The following MIA2 variants were observed in gnomAD, a reference collection of about 807,000 sequenced individuals.
MIA2 encodes the protein MIA SH3 domain ER export factor 2.
MIA2 carries 127 observed loss-of-function variants against 167.8 expected under a neutral mutation model. That is an observed-to-expected ratio of 0.76 (90% CI 0.66 to 0.88). MIA2 has a LOEUF of 0.88. Ranked by LOEUF, MIA2 falls within the 40% of genes least tolerant of loss-of-function variation. The probability of loss-of-function intolerance (pLI) is 0.00; values close to 1 mark genes in which losing one functional copy is unlikely to be tolerated. For missense variants in MIA2, 1,690 were observed against 1,624.7 expected, an observed-to-expected ratio of 1.04 and a Z score of -0.69; for synonymous variants, 552 against 541.9, an observed-to-expected ratio of 1.02 and a Z score of -0.26.
intron 25 of MIA2, among the ~76,000 whole-genome samples, chr14:39,339,564 ATGT>A (rs895000777): frequency 2.0e-5 from 3 of 152,152 alleles, no homozygotes; most frequent in Non-Finnish European, 2.9e-5. Context: ...CTTATTCAAG[ATGT>A]TGGGATAAAA....
chr14:39,314,695 T>C, intron 19 of MIA2, 44 bp from the exon 20 acceptor site: 1 of 1,500,562 alleles, frequency 6.7e-7, no homozygotes, highest in Non-Finnish European at 9.2e-7. Context: ...TTCTGTCATT[T>C]CATGTTATAT....
chr14:39,300,941 T>TATACAC (rs756774764), intron 14 of MIA2, among the ~76,000 whole-genome samples: 120,137 of 139,248 alleles, frequency 0.86, 52,534 homozygotes, highest in East Asian at 0.95. Context: ...CACACATATA[T>TATACAC]ACATATATAC....
At chr14:39,340,443 AGT>A (rs1491079225) in intron 25 of MIA2, among the ~76,000 whole-genome samples, 20 of 152,220 alleles carry the variant, frequency 1.3e-4, no homozygotes, top group Non-Finnish European at 1.3e-4. Flanking sequence ...GGGAAACAAA[AGT>A]GTGCTAAGCA....
At chr14:39,253,498 G>A in intron 6 of MIA2, 1 of 336,644 alleles carries the variant, frequency 3.0e-6, no homozygotes, top group South Asian at 3.3e-5. Context: ...TGGGTGTGGT[G>A]GTGTGTGCCT....
intron 6 of MIA2, among the ~76,000 whole-genome samples, chr14:39,264,440 C>G (rs74861638): frequency 9.9e-4 from 151 of 152,284 alleles, no homozygotes; most frequent in African/African-American, 3.4e-3. Flanking sequence ...GAACAATTTA[C>G]TTTCTTTGGG....
rs972520347 is a variant in MIA2 at position 39,386,600 on chromosome 14, CTTTTTTCTT to C, written c.2249-269_2249-261del. On this transcript the variant is annotated intron_variant, in intron 23 of 23. Coordinates refer to the MIA2 transcript ENST00000341502. ...CACCTGCTGTGCCACAGTGGGCTTT[CTTTTTTCTT>C]TTTTTTCTTTTTTTTTGGCTGGCAG... The C allele has an allele frequency of 7.6e-5, 81 of 1,066,748 alleles. No individual in the cohort carries two copies. The Middle Eastern group carries it at 8.6e-4, about 11-fold the overall frequency. The allele number at this position is 1,066,748 out of a possible 1,614,324, so 66.1% of individuals were successfully genotyped here.
At chr14:39,337,424 C>T (rs189581277) in intron 25 of MIA2, among the ~76,000 whole-genome samples, 1 of 152,140 alleles carries the variant, frequency 6.6e-6, no homozygotes, top group African/African-American at 2.4e-5. Context: ...ACAGTGCCCT[C>T]AACCAACAAG....
At chr14:39,344,950 T>C (rs2072898579) in intron 25 of MIA2, among the ~76,000 whole-genome samples, 1 of 152,222 alleles carries the variant, frequency 6.6e-6, no homozygotes, top group African/African-American at 2.4e-5. Context: ...AAAGGGTGGC[T>C]GTAGAAGCAC....
chr14:39,350,460 G>T lies in MIA2; in HGVS notation c.*196G>T, dbSNP rs1011985411. 11 of 423,842 alleles carry T rather than the reference G, an allele frequency of 2.6e-5. No homozygotes were observed. Among genetic ancestry groups the T allele is most frequent in the Non-Finnish European group, 4.6e-5 (11 of 237,854 alleles). 26.3% of individuals were successfully genotyped at this position (423,842 alleles called of 1,614,324 possible). ...AATTATTTCAATTTTATTTTAGACG[G>T]TATAACTATTTCAATTTGATTAATC... On this transcript the variant is annotated 3_prime_UTR_variant, in exon 29 of 29. Coordinates refer to ENST00000640607, the MANE Select transcript of MIA2 (RefSeq NM_001329214.4).
chr14:39,369,380 A>G (rs1414800723), intron 23 of MIA2, among the ~76,000 whole-genome samples: 1 of 152,214 alleles, frequency 6.6e-6, no homozygotes, highest in African/African-American at 2.4e-5. Context: ...TTGGGATTAT[A>G]GGACTAGAAT....
chr14:39,296,019 AT>A (rs1053424844), intron 13 of MIA2, among the ~76,000 whole-genome samples: 10 of 145,168 alleles, frequency 6.9e-5, no homozygotes, highest in Admixed American at 3.4e-4. Flanking sequence ...TGTTAATTGC[AT>A]TTTTTTTTTC....
At chr14:39,302,097 C>T (rs768787161) in intron 14 of MIA2, 32 bp from the exon 15 acceptor site, 2 of 1,606,040 alleles carry the variant, frequency 1.2e-6, no homozygotes, top group East Asian at 2.2e-5. Flanking sequence ...AGGCATTACC[C>T]TCTCTATTTT....
intron 6 of MIA2, among the ~76,000 whole-genome samples, chr14:39,272,715 A>G (rs185707628): frequency 3.2e-4 from 48 of 152,282 alleles, no homozygotes; most frequent in Non-Finnish European, 5.6e-4. Flanking sequence ...GTGAGCCAAG[A>G]TCGCACCACT....
At position 39,303,538 on chromosome 14, in the gene MIA2, G is replaced by A. The variant is rs1437990039; in HGVS notation, c.2787+14G>A. ...CATGCTGCTAAGGTTTGTGCTATTA[G>A]ATACTTAAAAAGAATAAGGAGGAAG... On this transcript the variant is annotated intron_variant, in intron 16 of 28. Coordinates refer to ENST00000640607, the MANE Select transcript of MIA2 (RefSeq NM_001329214.4). 1 of 1,596,242 alleles carries A rather than the reference G, an allele frequency of 6.3e-7. No individual in the cohort carries two copies. Among genetic ancestry groups the A allele is most frequent in the Non-Finnish European group, 8.6e-7 (1 of 1,166,816 alleles).
At chr14:39,314,909 A>T (rs1340069167) in intron 20 of MIA2, 110 bp downstream of exon 20, 1 of 832,058 alleles carries the variant, frequency 1.2e-6, no homozygotes, top group African/African-American at 1.7e-5. Context: ...GACCAGTTGT[A>T]TACCTCTTTT....
At chr14:39,341,236 A>G (rs1389301769) in intron 25 of MIA2, among the ~76,000 whole-genome samples, 2 of 152,004 alleles carry the variant, frequency 1.3e-5, no homozygotes, top group African/African-American at 4.8e-5. Flanking sequence ...TGGGAGGGAG[A>G]GCTTACAGTG....
At chr14:39,256,080 C>A (rs1202958752) in intron 6 of MIA2, among the ~76,000 whole-genome samples, 1 of 152,118 alleles carries the variant, frequency 6.6e-6, no homozygotes, top group African/African-American at 2.4e-5. Context: ...TTTCTGGGTT[C>A]TCTTGAAAAA....
chr14:39,280,487 C>T (rs893501093), intron 9 of MIA2, among the ~76,000 whole-genome samples: 5 of 152,192 alleles, frequency 3.3e-5, no homozygotes, highest in Non-Finnish European at 7.4e-5. Flanking sequence ...AATCCCAGCA[C>T]TTTGGGAGGC....
chr14:39,325,328 A>C (rs998590547), intron 24 of MIA2, among the ~76,000 whole-genome samples: 3 of 151,936 alleles, frequency 2.0e-5, no homozygotes, highest in Non-Finnish European at 4.4e-5. Flanking sequence ...TCTCAATGAC[A>C]GATAAATGAG....
Sources: allele counts gnomAD v4.1 joint callset (sites outside exome capture counted in the v4.1 genomes callset), GRCh38; gene constraint gnomAD v4.1.1; transcripts MANE v1.5; gene names NCBI Gene and HGNC (gene_info 2026-07-23, HGNC 2026-07-21).